The following SPAST variants were observed in gnomAD, a reference collection of about 807,000 sequenced individuals.
SPAST encodes spastic paraplegia 4 (autosomal dominant; spastin).
SPAST carries 30 observed loss-of-function variants against 76.6 expected under a neutral mutation model. That is an observed-to-expected ratio of 0.39 (90% CI 0.29 to 0.53). The LOEUF (loss-of-function observed/expected upper bound fraction) is 0.53, where lower values mean the gene tolerates loss of function less well. Ranked by LOEUF, SPAST falls within the 20% of genes least tolerant of loss-of-function variation. The pLI is 0.68. For missense variants in SPAST, 717 were observed against 770.5 expected, an observed-to-expected ratio of 0.93 and a Z score of 0.82; for synonymous variants, 305 against 281.0, an observed-to-expected ratio of 1.09 and a Z score of -0.86.
intron 1 of SPAST, among the ~76,000 whole-genome samples, chr2:32,072,084 C>A (rs891736060): frequency 8.5e-5 from 13 of 152,064 alleles, no homozygotes. Context: ...GCTCTGTTGC[C>A]CAGGCTGGAG....
intron 7 of SPAST, among the ~76,000 whole-genome samples, chr2:32,118,731 G>C (rs1441592175): frequency 6.6e-6 from 1 of 152,158 alleles, no homozygotes; most frequent in Non-Finnish European, 1.5e-5. Flanking sequence ...TAAGATTAGA[G>C]CTGCCTGGTT....
At chr2:32,080,812 T>TTTTTG (rs1558617987) in intron 1 of SPAST, among the ~76,000 whole-genome samples, 8 of 140,844 alleles carry the variant, frequency 5.7e-5, no homozygotes, top group African/African-American at 2.0e-4. Flanking sequence ...TTTTTTTTTT[T>TTTTTG]GAGATGGAGT....
At chr2:32,068,888 T>G (rs1247297432) in intron 1 of SPAST, among the ~76,000 whole-genome samples, 2 of 133,204 alleles carry the variant, frequency 1.5e-5, no homozygotes, top group Non-Finnish European at 3.1e-5. Context: ...AGAGTGAGAC[T>G]CCATCAAAAA....
At chr2:32,105,207 T>TTCA (rs1279912408) in intron 4 of SPAST, among the ~76,000 whole-genome samples, 1 of 152,188 alleles carries the variant, frequency 6.6e-6, no homozygotes, top group Non-Finnish European at 1.5e-5. Context: ...TCATTTGATC[T>TTCA]TCAATCACTG....
At chr2:32,082,587 T>G (rs1677282372) in intron 1 of SPAST, among the ~76,000 whole-genome samples, 1 of 151,938 alleles carries the variant, frequency 6.6e-6, no homozygotes, top group African/African-American at 2.4e-5. Flanking sequence ...TCCCAGCTAC[T>G]TGGGAGGCTG....
chr2:32,150,239 A>ATTTTTTTTT (rs11363493), intron 16 of SPAST, among the ~76,000 whole-genome samples: 293 of 66,586 alleles, frequency 4.4e-3, no homozygotes, highest in Non-Finnish European at 5.0e-3. Flanking sequence ...CGCCCAGCTA[A>ATTTTTTTTT]TTTTTTTTTT....
At chr2:32,147,311 A>G in intron 16 of SPAST, 53 bp downstream of exon 16, 2 of 1,065,794 alleles carry the variant, frequency 1.9e-6, no homozygotes, top group East Asian at 2.4e-5. Flanking sequence ...TAAGACATAT[A>G]TAAGACATAC....
At chr2:32,073,204 T>A (rs113080319) in intron 1 of SPAST, among the ~76,000 whole-genome samples, 2,037 of 152,332 alleles carry the variant, frequency 0.013, 51 homozygotes, top group African/African-American at 0.045. Context: ...TGAATCATTT[T>A]ATTTTTTTAG....
At chr2:32,149,268 T>TTTTTG (rs1553320251) in intron 16 of SPAST, among the ~76,000 whole-genome samples, 4 of 148,798 alleles carry the variant, frequency 2.7e-5, no homozygotes, top group African/African-American at 9.9e-5. Context: ...TTTTTTTTTT[T>TTTTTG]TTGTATTTTT....
intron 15 of SPAST, 103 bp downstream of exon 15, chr2:32,145,110 G>T (rs1206401708): frequency 2.5e-6 from 2 of 814,586 alleles, no homozygotes; most frequent in Non-Finnish European, 4.1e-6. Context: ...TTTTCTTTTG[G>T]AGACAGGGTC....
chr2:32,113,467 A>G (rs761746070), intron 4 of SPAST, among the ~76,000 whole-genome samples: 4 of 151,596 alleles, frequency 2.6e-5, no homozygotes, highest in Admixed American at 2.0e-4. Flanking sequence ...GAATCAAAGT[A>G]GTCGAGTGCT....
intron 1 of SPAST, among the ~76,000 whole-genome samples, chr2:32,079,677 G>A (rs1193171695): frequency 6.9e-6 from 1 of 145,726 alleles, no homozygotes; most frequent in Non-Finnish European, 1.5e-5. Flanking sequence ...TACCACCTCA[G>A]CCTCCCAAGT....
In SPAST at chr2:32,126,993, G is replaced by C. The variant is rs1553316826; in HGVS notation, c.1144G>C (p.Gly382Arg). The C allele has an allele frequency of 6.2e-7, 1 of 1,612,904 alleles. No homozygotes were observed. Among genetic ancestry groups the C allele is most frequent in the Non-Finnish European group, 8.5e-7 (1 of 1,179,018 alleles). ...TCCTGCCAGAGGGCTGTTACTCTTT[G>C]GTCCACCTGGGAATGGGAAGACAAT... Reference protein sequence around the residue: ...RAPARGLLLFGPPGNGKTMLA... With the variant: ...RAPARGLLLFRPPGNGKTMLA... Residue 382 changes from glycine (G) to arginine (R), a missense_variant, in exon 8 of 17, where the codon GGT becomes CGT. Physicochemically the swap from Gly to Arg is moderately radical, Grantham distance 125. Coordinates refer to ENST00000315285, the MANE Select transcript of SPAST (RefSeq NM_014946.4).
At chr2:32,066,969 T>C (rs1676537591) in intron 1 of SPAST, among the ~76,000 whole-genome samples, 1 of 48,076 alleles carries the variant, frequency 2.1e-5, no homozygotes. Flanking sequence ...AGTAAAACTG[T>C]CTCAAAAAAA....
chr2:32,076,726 G>C (rs188004297), intron 1 of SPAST, among the ~76,000 whole-genome samples: 1 of 151,916 alleles, frequency 6.6e-6, no homozygotes, highest in African/African-American at 2.4e-5. Context: ...ATAATCAGTA[G>C]TCCTTAAATG....
chr2:32,097,018 C>G (rs1013452855), intron 3 of SPAST, among the ~76,000 whole-genome samples: 7 of 152,138 alleles, frequency 4.6e-5, no homozygotes, highest in South Asian at 4.1e-4. Flanking sequence ...GTACCGTAAA[C>G]CAAGCATGGT....
intron 4 of SPAST, among the ~76,000 whole-genome samples, chr2:32,102,329 G>C (rs1039681923): frequency 3.3e-5 from 5 of 152,350 alleles, no homozygotes; most frequent in East Asian, 1.9e-4. Flanking sequence ...TTTGTATCCT[G>C]AGACTTTGCT....
At chr2:32,101,150 A>C (rs569895913) in intron 4 of SPAST, among the ~76,000 whole-genome samples, 2 of 152,266 alleles carry the variant, frequency 1.3e-5, no homozygotes, top group South Asian at 4.1e-4. Flanking sequence ...AATGATCGCC[A>C]TTCTAACTGG....
At chr2:32,064,398 G>A (rs965824751) in intron 1 of SPAST, 152 bp downstream of exon 1, 28 of 713,216 alleles carry the variant, frequency 3.9e-5, no homozygotes, top group Middle Eastern at 4.0e-4. Context: ...CCGTAGGTCG[G>A]AGCCTCATCT....
Sources: allele counts gnomAD v4.1 joint callset (sites outside exome capture counted in the v4.1 genomes callset), GRCh38; gene constraint gnomAD v4.1.1; transcripts MANE v1.5; gene names NCBI Gene and HGNC (gene_info 2026-07-23, HGNC 2026-07-21).